The following FRYL variants were observed in gnomAD, a reference collection of about 807,000 sequenced individuals.
FRYL encodes the protein protein furry homolog-like.
Under a neutral mutation model 351.2 loss-of-function variants are expected in FRYL, and 150 were observed. The observed-to-expected ratio is 0.43, with a 90% CI of 0.37 to 0.49. The LOEUF (loss-of-function observed/expected upper bound fraction) is 0.49. Ranked by LOEUF, FRYL falls within the 20% of genes least tolerant of loss-of-function variation. FRYL has a pLI of 0.00. For synonymous variants in FRYL, 1,153 were observed against 1,257.1 expected, an observed-to-expected ratio of 0.92 and a Z score of 1.75; for missense variants, 3,036 against 3,619.3, an observed-to-expected ratio of 0.84 and a Z score of 4.13.
intron 4 of FRYL, among the ~76,000 whole-genome samples, chr4:48,632,100 A>ATATATG (rs1553957588): frequency 3.1e-4 from 9 of 29,286 alleles, no homozygotes; most frequent in African/African-American, 7.5e-4. Context: ...AAATATATAT[A>ATATATG]TATATATATA....
chr4:48,555,722 G>T (rs1479129750), intron 35 of FRYL, among the ~76,000 whole-genome samples: 5 of 152,178 alleles, frequency 3.3e-5, no homozygotes, highest in African/African-American at 1.2e-4. Context: ...CGGTAACGTT[G>T]TCTTGTACCA....
At chr4:48,745,331 T>C (rs1015841456) in intron 1 of FRYL, among the ~76,000 whole-genome samples, 7 of 152,090 alleles carry the variant, frequency 4.6e-5, no homozygotes, top group Admixed American at 3.9e-4. Flanking sequence ...CTATTCACAA[T>C]AGCAAAGACG....
At chr4:48,598,535 A>G (rs1054609753) in intron 13 of FRYL, among the ~76,000 whole-genome samples, 4 of 152,214 alleles carry the variant, frequency 2.6e-5, no homozygotes, top group African/African-American at 9.6e-5. Flanking sequence ...AAACATTTTC[A>G]TTTATAACAG....
intron 56 of FRYL, 81 bp downstream of exon 56, chr4:48,514,947 C>G: frequency 8.1e-7 from 1 of 1,228,588 alleles, no homozygotes; most frequent in Non-Finnish European, 1.1e-6. Flanking sequence ...AGTAAGTAAA[C>G]TGAAACAGAG....
At chr4:48,626,248 C>A (rs1012074054) in intron 4 of FRYL, among the ~76,000 whole-genome samples, 1 of 151,768 alleles carries the variant, frequency 6.6e-6, no homozygotes, top group Admixed American at 6.6e-5. Context: ...CTCTCTCTCT[C>A]TATGTGTGTG....
intron 3 of FRYL, among the ~76,000 whole-genome samples, chr4:48,656,634 A>C (rs949363251): frequency 7.0e-6 from 1 of 142,802 alleles, no homozygotes; most frequent in African/African-American, 2.6e-5. Flanking sequence ...GTATATAGTA[A>C]TGTATACATA....
chr4:48,758,819 T>G (rs538223562), intron 1 of FRYL, among the ~76,000 whole-genome samples: 1 of 152,264 alleles, frequency 6.6e-6, no homozygotes, highest in South Asian at 2.1e-4. Flanking sequence ...TAGCAAAGAC[T>G]TGGAACCAAC....
chr4:48,632,106 A>ATATATATATG lies in FRYL; in HGVS notation c.120+2184_120+2185insCATATATATA, dbSNP rs1553957649. 4.5e-3 allele frequency among the ~76,000 whole-genome samples: 259 copies of ATATATATATG among 58,082 alleles called. 3 individuals are homozygous for ATATATATATG. Among genetic ancestry groups the ATATATATATG allele is most frequent in the Non-Finnish European group, 7.2e-3 (196 of 27,218 alleles). The allele number at this position is 58,082 out of a possible 152,430, so 38.1% of individuals were successfully genotyped here. On this transcript the variant is annotated intron_variant, in intron 4 of 63. Coordinates refer to ENST00000358350, the MANE Select transcript of FRYL (RefSeq NM_015030.2). ...AAAAAAAAAAAATATATATATATAT[A>ATATATATATG]TATATATATATATATATATATATGC...
chr4:48,663,376 AGAATAGAATAAATTAG>A (rs1488320062), intron 3 of FRYL, among the ~76,000 whole-genome samples: 4 of 150,952 alleles, frequency 2.6e-5, no homozygotes, highest in African/African-American at 9.7e-5. Context: ...AAATAAGCCA[AGAATAGAATAAATTAG>A]AATACTAAAA....
intron 7 of FRYL, among the ~76,000 whole-genome samples, chr4:48,615,969 A>C (rs1749342250): frequency 6.6e-6 from 1 of 152,200 alleles, no homozygotes; most frequent in African/African-American, 2.4e-5. Flanking sequence ...CAAGAACAGA[A>C]AACCAAACAC....
At chr4:48,711,095 C>T (rs938372544) in intron 1 of FRYL, among the ~76,000 whole-genome samples, 3 of 152,118 alleles carry the variant, frequency 2.0e-5, no homozygotes, top group African/African-American at 4.8e-5. Context: ...CCAAGATGGC[C>T]GAATAGGAAC....
In FRYL at chr4:48,679,394, C is replaced by T. The variant is rs536052782; in HGVS notation, c.-81+5279G>A. On this transcript the variant is annotated intron_variant, in intron 3 of 63. Transcript: ENST00000358350. ...TACTATTTTTTAAACTGACATGAAA[C>T]GATGGTAGGGAGAATATAAGGTAAT... Among the ~76,000 whole-genome samples, 5 of 151,936 alleles carry T rather than the reference C, an allele frequency of 3.3e-5. No homozygotes were observed. In the East Asian group the frequency reaches 7.7e-4, roughly 23 times the overall value.
rs1244454710 is a variant in FRYL, at chr4:48,547,692, T to G, written c.4966A>C (p.Asn1656His). 3.7e-6 allele frequency: 6 copies of G among 1,605,952 alleles called. No homozygotes were observed. The highest frequency in any genetic ancestry group is 5.1e-6 in the Non-Finnish European group (6 of 1,174,376). ...GAAGCAACAGTTCGGATGTTACTATTGGGTCCCATTACTATTAATAAGTGC... is the reference window on the plus strand; with the variant it reads ...GAAGCAACAGTTCGGATGTTACTATGGGGTCCCATTACTATTAATAAGTGC... ...LLHLLIVMGP[N>H]SNIRTVASVL... The change falls in exon 41 of 64, where the codon AAT (asparagine) becomes CAT (histidine). Residue 1656 changes from asparagine (N) to histidine (H), a missense_variant. Coordinates refer to ENST00000358350, the MANE Select transcript of FRYL (RefSeq NM_015030.2).
chr4:48,576,035 A>C lies in FRYL; in HGVS notation c.2716T>G (p.Ser906Ala), dbSNP rs368269663. The C allele has an allele frequency of 4.4e-6, 7 of 1,594,058 alleles. No individual in the cohort carries two copies. Among genetic ancestry groups the C allele is most frequent in the Non-Finnish European group, 5.1e-6 (6 of 1,172,254 alleles). Reference sequence around the variant, plus strand: ...AGTGGATCTGAGAAACTTACTTTAGAATCAATGCTATAGCCGCTATCTGGG... The same window carrying C: ...AGTGGATCTGAGAAACTTACTTTAGCATCAATGCTATAGCCGCTATCTGGG... ...STPDSGYSID[S>A]KIIGIPSPSS... is the part of the protein sequence containing the mutation. Residue 906 changes from serine to alanine, a missense_variant, in exon 24 of 64, where the codon TCT becomes GCT. Coordinates refer to ENST00000358350, the MANE Select transcript of FRYL (RefSeq NM_015030.2).
Position 48,522,965 on chromosome 4 carries a change from G to T in FRYL, c.7457C>A (p.Thr2486Lys), listed in dbSNP as rs746197376. 1.2e-6 allele frequency: 2 copies of T among 1,614,032 alleles called. No homozygotes were observed. The change falls in exon 54 of 64, where the codon ACA becomes AAA. Residue 2486 changes from threonine (T) to lysine (K), a missense_variant. Thr to Lys is a moderately conservative substitution (Grantham distance 78). Transcript: ENST00000358350. Reference sequence around the variant, plus strand: ...CGCTTCTTCTTCCGAGGACTCATCTGTATCCTCCTGATTGGTGAGGTTCAG... The same window carrying T: ...CGCTTCTTCTTCCGAGGACTCATCTTTATCCTCCTGATTGGTGAGGTTCAG... ...PSLNLTNQED[T>K]DESSEEEAAL...
chr4:48,704,574 A>G (rs1250436711), intron 2 of FRYL, among the ~76,000 whole-genome samples: 2 of 152,224 alleles, frequency 1.3e-5, no homozygotes, highest in African/African-American at 4.8e-5. Context: ...GCACATTGGG[A>G]GGCCAAGGCA....
chr4:48,630,863 C>T (rs1752837625), intron 4 of FRYL, among the ~76,000 whole-genome samples: 1 of 152,120 alleles, frequency 6.6e-6, no homozygotes, highest in Non-Finnish European at 1.5e-5. Flanking sequence ...ATGAGCAAGG[C>T]CAGCCTCCTT....
intron 3 of FRYL, among the ~76,000 whole-genome samples, chr4:48,656,870 C>T (rs2149456638): frequency 6.6e-6 from 1 of 152,088 alleles, no homozygotes; most frequent in East Asian, 1.9e-4. Context: ...GTGACTATGG[C>T]ACTTCCCATT....
intron 3 of FRYL, among the ~76,000 whole-genome samples, chr4:48,679,137 C>G (rs1764238370): frequency 6.6e-6 from 1 of 152,020 alleles, no homozygotes; most frequent in African/African-American, 2.4e-5. Context: ...GAACACAAAA[C>G]CAAGTGCTGG....
Sources: allele counts gnomAD v4.1 joint callset (sites outside exome capture counted in the v4.1 genomes callset), GRCh38; gene constraint gnomAD v4.1.1; transcripts MANE v1.5; gene names NCBI Gene and HGNC (gene_info 2026-07-23, HGNC 2026-07-21).